PHACTR2: variants seen among roughly 807,000 people sequenced by gnomAD.
PHACTR2 encodes the protein chromosome 6 open reading frame 56.
PHACTR2 carries 30 observed loss-of-function variants against 76.0 expected under a neutral mutation model. That is an observed-to-expected ratio of 0.39 (90% CI 0.30 to 0.54). The LOEUF (loss-of-function observed/expected upper bound fraction) is 0.54. Among genes scored for constraint, PHACTR2 ranks in the 20% least tolerant of loss-of-function variants. The pLI, the probability that PHACTR2 is intolerant of heterozygous loss-of-function variation, is 0.61. For synonymous variants in PHACTR2, 292 were observed against 292.5 expected (o/e 1.00, Z 0.02); for missense variants, 696 against 781.1 (o/e 0.89, Z 1.30).
rs891795027 is a variant in PHACTR2 at position 143,570,848 on chromosome 6, C to G, written c.217+33641C>G. On this transcript the variant is annotated intron_variant, in intron 1 of 11. Transcript: ENST00000367584. The surrounding 1 kb of genome is among the most constrained non-coding windows in gnomAD (Gnocchi z 4.6). ...TTGCAAATCCCTCCCCGGACTCCTC[C>G]TCTTCTTCCAAAATTCAGGCTGAAG... is the stretch of plus-strand genomic sequence containing the variant. 1.3e-5 allele frequency among the ~76,000 whole-genome samples: 2 copies of G among 152,170 alleles called. No homozygotes were observed. The highest frequency in any genetic ancestry group is 2.9e-5 in the Non-Finnish European group (2 of 68,036).
At chr6:143,538,540 G>GC (rs1169410507) in intron 1 of PHACTR2, among the ~76,000 whole-genome samples, 2 of 152,210 alleles carry the variant, frequency 1.3e-5, no homozygotes, top group Non-Finnish European at 2.9e-5. Flanking sequence ...CAAAAGCCCT[G>GC]CCGGGGCGTG....
At position 143,557,867 on chromosome 6, in the gene PHACTR2, G is replaced by A. The variant is rs550877347; in HGVS notation, c.217+20660G>A. 3.9e-5 allele frequency: 6 copies of A among 152,180 alleles called. No individual in the cohort carries two copies. Among genetic ancestry groups the A allele is most frequent in the African/African-American group, 1.4e-4 (6 of 41,440 alleles). 9.4% of individuals were successfully genotyped at this position (152,180 alleles called of 1,614,324 possible). A position where few individuals can be genotyped will look rare whatever the true frequency, so the allele number is the denominator to read the frequency against. ...AGGTAAAATTAGGCCAGGGTTCTAC[G>A]GAATAAGCTGGAACCATCTTCCATG... On this transcript the variant is annotated intron_variant, in intron 1 of 11. Transcript: ENST00000367584. The surrounding 1 kb of genome is among the most constrained non-coding windows in gnomAD (Gnocchi z 5.5).
rs12208670 is a variant in PHACTR2, at chr6:143,743,030, A to G, written c.215-5955A>G. On this transcript the variant is annotated intron_variant, in intron 2 of 12. Transcript: ENST00000440869. This position sits in a 1 kb window ranked among gnomAD's most constrained non-coding sequence, Gnocchi z 5.0. The stretch of plus-strand genomic sequence containing the variant: ...CCAGGAAAGTAGTTGCTATCTCTCC[A>G]TTTTGCAGATGAGGACGCTGAGGCA... 6.6e-6 allele frequency among the ~76,000 whole-genome samples: 1 copy of G among 152,064 alleles called. No homozygotes were observed. Among genetic ancestry groups the G allele is most frequent in the South Asian group, 2.1e-4 (1 of 4,826 alleles).
Position 143,708,837 on chromosome 6 carries a change from T to G in PHACTR2, c.47-3179T>G, listed in dbSNP as rs1334621336. On this transcript the variant is annotated intron_variant, in intron 1 of 12. Transcript: ENST00000440869. The surrounding 1 kb of genome is among the most constrained non-coding windows in gnomAD (Gnocchi z 5.5). ...GTTCTTAATTGCTTCAGAGGGAAAG[T>G]AGAATTTTTATGCAGCATCAGGGAA... 6.6e-6 allele frequency among the ~76,000 whole-genome samples: 1 copy of G among 152,154 alleles called. No homozygotes were observed. Among genetic ancestry groups the G allele is most frequent in the African/African-American group, 2.4e-5 (1 of 41,446 alleles).
intron 12 of PHACTR2, among the ~76,000 whole-genome samples, chr6:143,814,822 C>T (rs528900035): frequency 1.6e-3 from 236 of 151,944 alleles, no homozygotes; most frequent in African/African-American, 5.4e-3. Context: ...CAGGATGGTC[C>T]CAATCTGCTG....
At chr6:143,790,941 T>G (rs898701196) in intron 11 of PHACTR2, among the ~76,000 whole-genome samples, 3 of 152,198 alleles carry the variant, frequency 2.0e-5, no homozygotes, top group African/African-American at 7.2e-5. Flanking sequence ...CCTCCCAAAG[T>G]GCTGGGATTA....
chr6:143,579,917 G>C (rs922765481), intron 1 of PHACTR2, among the ~76,000 whole-genome samples: 1 of 152,140 alleles, frequency 6.6e-6, no homozygotes, highest in African/African-American at 2.4e-5. Context: ...GGCTCTGCCG[G>C]GAGGAGCTGC....
In PHACTR2 at chr6:143,780,031, C is replaced by T. The variant is rs146709108; in HGVS notation, c.1645+2648C>T. 1.6e-3 allele frequency among the ~76,000 whole-genome samples: 248 copies of T among 151,262 alleles called. 2 individuals are homozygous for T. Among genetic ancestry groups the T allele is most frequent in the African/African-American group, 5.8e-3 (238 of 41,310 alleles). On this transcript the variant is annotated intron_variant, in intron 9 of 12. Transcript: ENST00000440869. The surrounding 1 kb of genome is among the most constrained non-coding windows in gnomAD (Gnocchi z 4.4). ...TTGGTACTTAAAAGTTCAACTTTTG[C>T]TAATCAAGAAAGGTGATGTATTTAG...
In PHACTR2 at chr6:143,764,443, C is replaced by T. The variant is rs549295376; in HGVS notation, c.695-818C>T. 2.2e-4 allele frequency among the ~76,000 whole-genome samples: 33 copies of T among 151,840 alleles called. No individual in the cohort carries two copies. The highest frequency in any genetic ancestry group is 7.2e-4 in the African/African-American group (30 of 41,386). ...GGCTAAGGCAGGAGGATCACTTGAG[C>T]CCAGGAGGCAGAAGTTATAGTGAGC... On this transcript the variant is annotated intron_variant, in intron 5 of 12. Coordinates refer to ENST00000440869, the MANE Select transcript of PHACTR2 (RefSeq NM_001100164.2). The surrounding 1 kb of genome is among the most constrained non-coding windows in gnomAD (Gnocchi z 4.7).
rs1303190213 is a variant in PHACTR2, at chr6:143,789,610, T to C, written c.1845+700T>C. Reference sequence around the variant, plus strand: ...TTCGTGCCAACCGTTTGTTTTTAAATTGTTCTAATTTTTATCTCTTAGCAA... The same window carrying C: ...TTCGTGCCAACCGTTTGTTTTTAAACTGTTCTAATTTTTATCTCTTAGCAA... On this transcript the variant is annotated intron_variant, in intron 11 of 12. Transcript: ENST00000440869. The surrounding 1 kb of genome is among the most constrained non-coding windows in gnomAD (Gnocchi z 5.1). Among the ~76,000 whole-genome samples, 3 of 152,242 alleles carry C rather than the reference T, an allele frequency of 2.0e-5. No homozygotes were observed. The highest frequency in any genetic ancestry group is 7.2e-5 in the African/African-American group (3 of 41,462).
chr6:143,617,928 C>T lies in PHACTR2; in HGVS notation c.13+9606C>T, dbSNP rs1776083347. Among the ~76,000 whole-genome samples the T allele has an allele frequency of 1.3e-5, 2 of 152,168 alleles. No homozygotes were observed. The highest frequency in any genetic ancestry group is 2.9e-5 in the Non-Finnish European group (2 of 68,034). ...TCAGGAAGGTTGGTTTCTTTTCCAA[C>T]ATCTTAGAAGCAAATTAAATACTAA... On this transcript the variant is annotated intron_variant, in intron 1 of 11. Coordinates refer to the PHACTR2 transcript ENST00000305766. The surrounding 1 kb of genome is among the most constrained non-coding windows in gnomAD (Gnocchi z 4.8).
At chr6:143,746,808 T>C (rs1466541013) in intron 2 of PHACTR2, among the ~76,000 whole-genome samples, 1 of 151,206 alleles carries the variant, frequency 6.6e-6, no homozygotes, top group African/African-American at 2.4e-5. Flanking sequence ...ATAACAACAC[T>C]CTTTTTACAT....
intron 1 of PHACTR2, among the ~76,000 whole-genome samples, chr6:143,649,303 C>G (rs984304270): frequency 2.6e-5 from 4 of 152,116 alleles, no homozygotes; most frequent in African/African-American, 9.6e-5. Flanking sequence ...GGTTTTTTGC[C>G]TTGGCTTTAA....
chr6:143,813,295 G>A (rs973536421), intron 12 of PHACTR2, among the ~76,000 whole-genome samples: 1 of 152,092 alleles, frequency 6.6e-6, no homozygotes, highest in Admixed American at 6.6e-5. Flanking sequence ...TCAGGATATT[G>A]ACTAACTGTA....
rs1316142172 is a variant in PHACTR2, at chr6:143,809,165, A to G, written c.1922+2032A>G. 2.0e-5 allele frequency among the ~76,000 whole-genome samples: 3 copies of G among 152,354 alleles called. No homozygotes were observed. The highest frequency in any genetic ancestry group is 4.8e-5 in the African/African-American group (2 of 41,588). On this transcript the variant is annotated intron_variant, in intron 12 of 12. Transcript: ENST00000440869. This position sits in a 1 kb window ranked among gnomAD's most constrained non-coding sequence, Gnocchi z 4.2. Reference sequence around the variant, plus strand: ...CCTTATCTTCATTTGATAGCATGATATAAAGAACAAATTACAGTCAAAAGG... The same window carrying G: ...CCTTATCTTCATTTGATAGCATGATGTAAAGAACAAATTACAGTCAAAAGG...
intron 1 of PHACTR2, among the ~76,000 whole-genome samples, chr6:143,702,612 C>T (rs1057086696): frequency 1.3e-5 from 2 of 152,074 alleles, no homozygotes; most frequent in African/African-American, 4.8e-5. Flanking sequence ...TCCTGGCTCC[C>T]AGTTTCCTTA....
rs1373069114 is a variant in PHACTR2, at chr6:143,696,594, T to C, written c.47-15422T>C. ...ACAGACCTAAGGTTACCAGCTAGGA[T>C]GGGGAGGAACAGATTATTACATTCA... On this transcript the variant is annotated intron_variant, in intron 1 of 12. Coordinates refer to ENST00000440869, the MANE Select transcript of PHACTR2 (RefSeq NM_001100164.2). The surrounding 1 kb of genome is among the most constrained non-coding windows in gnomAD (Gnocchi z 4.1). Among the ~76,000 whole-genome samples, 2 of 152,120 alleles carry C rather than the reference T, an allele frequency of 1.3e-5. No individual in the cohort carries two copies. Among genetic ancestry groups the C allele is most frequent in the African/African-American group, 4.8e-5 (2 of 41,418 alleles).
At chr6:143,665,367 G>A (rs1777016608) in intron 1 of PHACTR2, among the ~76,000 whole-genome samples, 1 of 152,046 alleles carries the variant, frequency 6.6e-6, no homozygotes, top group Non-Finnish European at 1.5e-5. Context: ...ATGTGTTTAG[G>A]TATACATTGA....
intron 1 of PHACTR2, among the ~76,000 whole-genome samples, chr6:143,613,432 T>C (rs1776011926): frequency 1.3e-5 from 2 of 152,182 alleles, no homozygotes; most frequent in Non-Finnish European, 2.9e-5. Context: ...AAAAGTACTG[T>C]GAAAGTGGGA....
Sources: allele counts gnomAD v4.1 joint callset (sites outside exome capture counted in the v4.1 genomes callset), GRCh38; gene constraint gnomAD v4.1.1; non-coding constraint Gnocchi (gnomAD v3.1); transcripts MANE v1.5; gene names NCBI Gene and HGNC (gene_info 2026-07-23, HGNC 2026-07-21).